TBC1D8B: variants seen among roughly 807,000 people sequenced by gnomAD.
TBC1D8B encodes the protein RP11-321G1.1.
In TBC1D8B, 75 loss-of-function variants were observed where a neutral mutation model predicts 82.9. That is an observed-to-expected ratio of 0.90 (90% CI 0.75 to 1.10). TBC1D8B has a LOEUF of 1.10. Among genes scored for constraint, TBC1D8B ranks in the 50% least tolerant of loss-of-function variants. The pLI, the probability that TBC1D8B is intolerant of heterozygous loss-of-function variation, is 0.00. For missense variants in TBC1D8B, 794 were observed against 796.9 expected, an observed-to-expected ratio of 1.00 and a Z score of 0.04; for synonymous variants, 276 against 276.8, an observed-to-expected ratio of 1.00 and a Z score of 0.03.
At chrX:106,811,359 T>C (rs1931366139) in intron 1 of TBC1D8B, among the ~76,000 whole-genome samples, 1 of 111,137 alleles carries the variant, frequency 9.0e-6, no homozygotes, top group African/African-American at 3.3e-5. Context: ...ACCTTGTGTC[T>C]ACAAAAAATA....
chrX:106,822,268 T>G, intron 4 of TBC1D8B, 66 bp downstream of exon 4: 1 of 859,047 alleles, frequency 1.2e-6, no homozygotes, highest in Non-Finnish European at 1.6e-6. Context: ...TCTAATGATG[T>G]TAGGTTGTAA....
At position 106,802,801 on chromosome X, in the gene TBC1D8B, G is replaced by A; in HGVS notation, c.-53G>A. 2.5e-6 allele frequency: 3 copies of A among 1,202,624 alleles called. No individual in the cohort carries two copies. Among genetic ancestry groups the A allele is most frequent in the South Asian group, 1.8e-5 (1 of 55,691 alleles). On this transcript the variant is annotated 5_prime_UTR_variant, in exon 1 of 21. The change creates a new upstream start codon in the 5' untranslated region. Transcript: ENST00000357242. Reference sequence around the variant, plus strand: ...GCAGAGGGGAAGAGACGGGTTGAGAGTGAGGTGAGGAGGGCATCTAGGTCA... The same window carrying A: ...GCAGAGGGGAAGAGACGGGTTGAGAATGAGGTGAGGAGGGCATCTAGGTCA...
Position 106,826,139 on chromosome X carries a change from C to G in TBC1D8B, c.937C>G (p.His313Asp), listed in dbSNP as rs1354304658. Residue 313 changes from histidine to aspartate, a missense_variant, in exon 6 of 21, where the codon CAC (histidine) becomes GAC (aspartate). Physicochemically the swap from His to Asp is moderately conservative, Grantham distance 81. Coordinates refer to ENST00000357242, the MANE Select transcript of TBC1D8B (RefSeq NM_017752.3). ...HECFLWVPFS[H>D]FNTHGKMCIS... The stretch of plus-strand genomic sequence containing the variant: ...ATGTTTCTTATGGGTACCATTCAGC[C>G]ACTTCAATACTCATGGGAAAATGTG... 4 of 1,209,935 alleles carry G rather than the reference C, an allele frequency of 3.3e-6. No individual in the cohort carries two copies. The highest frequency in any genetic ancestry group is 3.4e-6 in the Non-Finnish European group (3 of 894,321).
chrX:106,868,137 A>C (rs1164319004), intron 17 of TBC1D8B, among the ~76,000 whole-genome samples: 10 of 110,455 alleles, frequency 9.1e-5, no homozygotes, highest in Admixed American at 8.7e-4. Flanking sequence ...CATTAAAAAA[A>C]CAAGTAGGAA....
At chrX:106,817,173 T>C (rs1931565527) in intron 1 of TBC1D8B, among the ~76,000 whole-genome samples, 1 of 111,360 alleles carries the variant, frequency 9.0e-6, no homozygotes, top group Admixed American at 9.6e-5. Flanking sequence ...ATTGATATGG[T>C]TAAATCAACA....
At chrX:106,813,660 T>C (rs1931444715) in intron 1 of TBC1D8B, among the ~76,000 whole-genome samples, 1 of 112,170 alleles carries the variant, frequency 8.9e-6, no homozygotes, top group South Asian at 3.7e-4. Flanking sequence ...TTTGAAATTC[T>C]AATTCCTTTA....
intron 1 of TBC1D8B, chrX:106,814,508 G>A (rs1179897210): frequency 2.0e-4 from 21 of 106,473 alleles, no homozygotes; most frequent in Middle Eastern, 4.7e-3. Context: ...ATAAACATAC[G>A]TGTGCATGTG....
At chrX:106,868,913 C>A (rs1260082176) in intron 18 of TBC1D8B, among the ~76,000 whole-genome samples, 1 of 111,763 alleles carries the variant, frequency 8.9e-6, no homozygotes, top group Non-Finnish European at 1.9e-5. Context: ...TTTTTGTGTC[C>A]TTTAGTTTAT....
At chrX:106,815,686 A>G (rs1931522820) in intron 1 of TBC1D8B, 1 of 110,956 alleles carries the variant, frequency 9.0e-6, no homozygotes, top group South Asian at 3.9e-4. Flanking sequence ...TGAGCATGGA[A>G]TGATCTTCCA....
intron 14 of TBC1D8B, among the ~76,000 whole-genome samples, chrX:106,854,895 G>A (rs939428594): frequency 2.7e-5 from 3 of 111,686 alleles, no homozygotes; most frequent in Non-Finnish European, 5.6e-5. Context: ...AAGAACAGCC[G>A]ATCTACATAG....
Position 106,873,946 on chromosome X carries a change from G to T in TBC1D8B, c.3344G>T (p.Arg1115Met). Residue 1115 changes from arginine to methionine, a missense_variant, in exon 21 of 21, where the codon AGG (arginine) becomes ATG (methionine). Coordinates refer to ENST00000357242, the MANE Select transcript of TBC1D8B (RefSeq NM_017752.3). ...GAAAATGCAAGAATTTCTCAGTTAA[G>T]GTCTAGAACCAAGATGTAAATCCCT... ...KLENARISQLRSRTKM is the reference protein window; with the variant it reads ...KLENARISQLMSRTKM 1 of 1,187,470 alleles carries T rather than the reference G, an allele frequency of 8.4e-7. No individual in the cohort carries two copies. Among genetic ancestry groups the T allele is most frequent in the South Asian group, 1.9e-5 (1 of 51,723 alleles).
At chrX:106,849,601 C>A in intron 11 of TBC1D8B, 3 of 884,129 alleles carry the variant, frequency 3.4e-6, no homozygotes, top group Non-Finnish European at 4.2e-6. Context: ...TGATTCATTT[C>A]TGAAGTGTTA....
intron 11 of TBC1D8B, among the ~76,000 whole-genome samples, chrX:106,849,090 A>T (rs73247964): frequency 0.023 from 2,542 of 109,154 alleles, 29 homozygotes; most frequent in Non-Finnish European, 0.035. Context: ...ATTTTCTTTA[A>T]TCATCAAATA....
In TBC1D8B at chrX:106,850,213, A is replaced by C. The variant is rs775787604; in HGVS notation, c.2026A>C (p.Lys676Gln). ...VVDCFFYDGIKAILQLGLAIL... is the reference protein window; with the variant it reads ...VVDCFFYDGIQAILQLGLAIL... Reference sequence around the variant, plus strand: ...GGACTGTTTCTTCTATGATGGAATAAAGGCCATTTTGCAACTGGGATTGGC... The same window carrying C: ...GGACTGTTTCTTCTATGATGGAATACAGGCCATTTTGCAACTGGGATTGGC... The change falls in exon 12 of 21, where the codon AAG becomes CAG. Residue 676 changes from lysine to glutamine, a missense_variant. Transcript: ENST00000357242. 9.1e-6 allele frequency: 11 copies of C among 1,211,726 alleles called. No homozygotes were observed. The South Asian group carries it at 1.9e-4, about 21-fold the overall frequency.
chrX:106,845,248 T>A (rs1279346502), intron 10 of TBC1D8B, among the ~76,000 whole-genome samples: 1 of 111,067 alleles, frequency 9.0e-6, no homozygotes, highest in Non-Finnish European at 1.9e-5. Context: ...TTGTCTTTTT[T>A]AATCTTTTCA....
At chrX:106,848,112 C>T (rs747611802) in intron 10 of TBC1D8B, 74 bp from the exon 11 acceptor site, 10 of 689,736 alleles carry the variant, frequency 1.4e-5, no homozygotes, top group Non-Finnish European at 1.7e-5. Context: ...CTGTCAAAAA[C>T]TATTATGTTT....
intron 7 of TBC1D8B, among the ~76,000 whole-genome samples, chrX:106,836,461 A>G (rs1384007796): frequency 9.0e-6 from 1 of 111,589 alleles, no homozygotes; most frequent in Admixed American, 9.5e-5. Context: ...CTAAAGTACC[A>G]CTGGATTGGT....
intron 10 of TBC1D8B, among the ~76,000 whole-genome samples, chrX:106,846,740 C>A (rs1932463462): frequency 9.0e-6 from 1 of 110,820 alleles, no homozygotes; most frequent in African/African-American, 3.3e-5. Flanking sequence ...CTAGATTAGG[C>A]AAGAAATTGG....
At chrX:106,808,008 G>A (rs1041746983) in intron 1 of TBC1D8B, among the ~76,000 whole-genome samples, 10 of 110,201 alleles carry the variant, frequency 9.1e-5, no homozygotes, top group African/African-American at 3.3e-4. Context: ...AACCGAGATC[G>A]CACTGTTGTA....
Sources: gnomAD v4.1 joint callset for allele counts (sites outside exome capture counted in the v4.1 genomes callset) on GRCh38, gnomAD v4.1.1 for gene constraint, MANE v1.5 for transcripts, NCBI Gene and HGNC (gene_info 2026-07-23, HGNC 2026-07-21) for gene names.